The following ECT2 variants were observed in gnomAD, a reference collection of about 807,000 sequenced individuals.
ECT2 encodes protein ECT2.
In ECT2, 61 loss-of-function variants were observed where a neutral mutation model predicts 116.9. The observed-to-expected ratio is 0.52, with a 90% CI of 0.42 to 0.65. ECT2 has a LOEUF of 0.65. Ranked by LOEUF, ECT2 falls within the 30% of genes least tolerant of loss-of-function variation. The pLI is 0.00. For missense variants in ECT2, 937 were observed against 1,078.7 expected, an observed-to-expected ratio of 0.87 and a Z score of 1.84; for synonymous variants, 358 against 346.4, an observed-to-expected ratio of 1.03 and a Z score of -0.37.
At chr3:172,766,511 G>A (rs1046369144) in intron 12 of ECT2, among the ~76,000 whole-genome samples, 3 of 152,122 alleles carry the variant, frequency 2.0e-5, no homozygotes, top group African/African-American at 7.2e-5. Context: ...TATTACAATC[G>A]CTTCGGCCAT....
At chr3:172,774,194 T>C (rs987927010) in intron 14 of ECT2, among the ~76,000 whole-genome samples, 172 bp downstream of exon 14, 12 of 152,138 alleles carry the variant, frequency 7.9e-5, no homozygotes, top group Middle Eastern at 3.2e-3. Context: ...ATAATGTTTG[T>C]TGTTTGCTTT....
chr3:172,782,180 T>C lies in ECT2; in HGVS notation c.1566T>C (p.Leu522=). The C allele has an allele frequency of 6.3e-7, 1 of 1,580,054 alleles. No individual in the cohort carries two copies. The highest frequency in any genetic ancestry group is 2.3e-5 in the East Asian group (1 of 43,534). ...TATTTCAGGATGATCTTGAAGACCT[T>C]ATAGTTAATTGGGATGAGAGCAAAA... ...HTKIKDDLED[L]IVNWDESKSI... Residue 522 remains leucine (L), a synonymous_variant, in exon 15 of 25, where the codon CTT becomes CTC. Coordinates refer to ENST00000392692, the MANE Select transcript of ECT2 (RefSeq NM_001258315.2).
At chr3:172,800,346 T>A (rs1239183343) in intron 18 of ECT2, among the ~76,000 whole-genome samples, 1 of 152,174 alleles carries the variant, frequency 6.6e-6, no homozygotes, top group Admixed American at 6.5e-5. Flanking sequence ...CTGACTAGTT[T>A]TACTCACCAC....
chr3:172,813,320 G>A (rs1221332889), intron 22 of ECT2, among the ~76,000 whole-genome samples: 1 of 151,822 alleles, frequency 6.6e-6, no homozygotes, highest in Non-Finnish European at 1.5e-5. Context: ...GATAAAGATA[G>A]CATTATATCA....
chr3:172,813,170 A>G (rs1023537272), intron 22 of ECT2, among the ~76,000 whole-genome samples: 5 of 152,172 alleles, frequency 3.3e-5, no homozygotes, highest in Non-Finnish European at 7.4e-5. Flanking sequence ...ATGCATAAGT[A>G]TCAAGAGTTT....
chr3:172,787,813 ATACTC>A (rs764243549), intron 18 of ECT2, among the ~76,000 whole-genome samples: 67 of 152,164 alleles, frequency 4.4e-4, no homozygotes, highest in Non-Finnish European at 8.4e-4. Context: ...GGAGTGTAGA[ATACTC>A]TACAAGTGGC....
intron 18 of ECT2, among the ~76,000 whole-genome samples, chr3:172,788,625 C>T (rs1364262425): frequency 6.6e-6 from 1 of 152,036 alleles, no homozygotes; most frequent in African/African-American, 2.4e-5. Context: ...AGGAAATATC[C>T]CAGTAAAGCA....
chr3:172,797,755 A>AT (rs1725994909), intron 18 of ECT2, among the ~76,000 whole-genome samples: 1 of 152,224 alleles, frequency 6.6e-6, no homozygotes, highest in Non-Finnish European at 1.5e-5. Flanking sequence ...TATCAAGAAA[A>AT]TGTCCTGTGT....
At chr3:172,828,824 A>G in the ECT2 span, 1 of 805,840 alleles carries the variant, frequency 1.2e-6, no homozygotes, top group Non-Finnish European at 2.1e-6. Flanking sequence ...ATAGGAGAAG[A>G]GCTACTGCCT....
intron 18 of ECT2, among the ~76,000 whole-genome samples, chr3:172,797,148 G>C (rs1725843416): frequency 6.6e-6 from 1 of 151,250 alleles, no homozygotes; most frequent in Non-Finnish European, 1.5e-5. Flanking sequence ...TCCTACCTCA[G>C]CCTCCTGAGT....
rs186552785 is a variant in ECT2 at position 172,813,130 on chromosome 3, A to G, written c.2401-2474A>G. ...CAAAAACTATTAGAATTAGTAACAG[A>G]GCTTAGTAAGGCAGCCAAATAAAAT... On this transcript the variant is annotated intron_variant, in intron 22 of 24. Transcript: ENST00000392692. Among the ~76,000 whole-genome samples, 7 of 152,282 alleles carry G rather than the reference A, an allele frequency of 4.6e-5. No individual in the cohort carries two copies. The East Asian group carries it at 1.3e-3, about 29-fold the overall frequency.
chr3:172,764,625 G>A (rs182564670), intron 12 of ECT2, 125 bp downstream of exon 12: 130 of 839,474 alleles, frequency 1.5e-4, no homozygotes, highest in Admixed American at 1.3e-3. Flanking sequence ...TGTTCTAGCT[G>A]TAGAGAAAAG....
At chr3:172,814,767 A>G (rs181819426) in intron 22 of ECT2, among the ~76,000 whole-genome samples, 7 of 152,272 alleles carry the variant, frequency 4.6e-5, no homozygotes, top group African/African-American at 1.7e-4. Context: ...TATTTAGCAT[A>G]TCCATCACCT....
chr3:172,813,011 A>C (rs1222720218), intron 22 of ECT2, among the ~76,000 whole-genome samples: 1 of 152,122 alleles, frequency 6.6e-6, no homozygotes, highest in Non-Finnish European at 1.5e-5. Context: ...CTTGAATCAC[A>C]TTCCTCAGTG....
chr3:172,764,521 C>T (rs1179489437), intron 12 of ECT2, 21 bp downstream of exon 12: 2 of 1,598,570 alleles, frequency 1.3e-6, no homozygotes, highest in South Asian at 1.1e-5. Context: ...TTCTTAAAAA[C>T]TTGTCTTTAA....
downstream of ECT2, among the ~76,000 whole-genome samples, chr3:172,821,662 G>A (rs939248381): frequency 2.6e-5 from 4 of 151,844 alleles, no homozygotes; most frequent in African/African-American, 9.7e-5. Context: ...AATCTACTTT[G>A]AGAAATGTAG....
At chr3:172,804,034 A>T (rs1289538543) in intron 20 of ECT2, among the ~76,000 whole-genome samples, 1 of 151,994 alleles carries the variant, frequency 6.6e-6, no homozygotes, top group Non-Finnish European at 1.5e-5. Flanking sequence ...CTGGACTCAA[A>T]CAATTTACCC....
intron 20 of ECT2, among the ~76,000 whole-genome samples, chr3:172,804,783 T>C (rs1184999281): frequency 6.6e-6 from 1 of 152,190 alleles, no homozygotes; most frequent in African/African-American, 2.4e-5. Flanking sequence ...CCTCGCAGTC[T>C]TCTGTAATTG....
At chr3:172,823,492 T>TA (rs1175219472), downstream of ECT2, among the ~76,000 whole-genome samples, 34 of 152,288 alleles carry the variant, frequency 2.2e-4, no homozygotes, top group Non-Finnish European at 4.6e-4. Flanking sequence ...AATGTACTCT[T>TA]ACGTATGTCT....
Sources: allele counts gnomAD v4.1 joint callset (sites outside exome capture counted in the v4.1 genomes callset), GRCh38; gene constraint gnomAD v4.1.1; transcripts MANE v1.5; gene names NCBI Gene and HGNC (gene_info 2026-07-23, HGNC 2026-07-21).